Variants in DDX24 observed in about 807,000 individuals in gnomAD.
DDX24 encodes the protein DEAD-box helicase 24, also known as ATP-dependent RNA helicase DDX24.
A neutral mutation model predicts 68.9 loss-of-function variants in DDX24; 24 were observed. The ratio of observed to expected loss-of-function variants is 0.35; its 90% CI spans 0.25 to 0.49. The LOEUF (loss-of-function observed/expected upper bound fraction) is 0.49, where lower values mean the gene tolerates loss of function less well. Ranked by LOEUF, DDX24 falls within the 20% of genes least tolerant of loss-of-function variation. The pLI, the probability that DDX24 is intolerant of heterozygous loss-of-function variation, is 0.99. For synonymous variants in DDX24, 395 were observed against 385.2 expected (o/e 1.03, Z -0.30); for missense variants, 989 against 1,039.0 (o/e 0.95, Z 0.66).
At position 94,060,970 on chromosome 14, in the gene DDX24, C is replaced by G; in HGVS notation, c.1340G>C (p.Arg447Pro). The G allele has an allele frequency of 6.2e-7, 1 of 1,614,186 alleles. No individual in the cohort carries two copies. Among genetic ancestry groups the G allele is most frequent in the Non-Finnish European group, 8.5e-7 (1 of 1,180,028 alleles). The change falls in exon 4 of 9, where the codon CGG becomes CCG. Residue 447 changes from arginine (R) to proline (P), a missense_variant. By Grantham distance (103) the Arg-to-Pro change is moderately radical. Transcript: ENST00000621632. Reference protein sequence around the residue: ...RPEIVVATPGRLWELIKEKHY... With the variant: ...RPEIVVATPGPLWELIKEKHY... ...CTTTTCTTTAATTAATTCCCACAGC[C>G]GGCCTGGAGTAGCAACCACAATCTC...
chr14:94,055,895 C>G (rs1183260072), intron 6 of DDX24: 1 of 152,242 alleles, frequency 6.6e-6, no homozygotes, highest in Non-Finnish European at 1.5e-5. Context: ...TCCTTTAATG[C>G]CTCTATATGT....
chr14:94,068,140 ATAAACT>A (rs1177187867), intron 2 of DDX24, among the ~76,000 whole-genome samples: 9 of 152,246 alleles, frequency 5.9e-5, no homozygotes, highest in African/African-American at 1.9e-4. Flanking sequence ...AAGGACTCAC[ATAAACT>A]TAAAGTAAAG....
Position 94,079,418 on chromosome 14 carries a change from T to C in DDX24, c.325A>G (p.Thr109Ala). ...IKLKKSKNVA[T>A]EGTSTQKEFE... Reference sequence around the variant, plus strand: ...TCTTTCTGGGTACTGGTTCCTTCAGTTGCTACATTTTTACTTTTCTTCAAC... The same window carrying C: ...TCTTTCTGGGTACTGGTTCCTTCAGCTGCTACATTTTTACTTTTCTTCAAC... The change falls in exon 2 of 9, where the codon ACT becomes GCT. Residue 109 changes from threonine to alanine, a missense_variant. By Grantham distance (58) the Thr-to-Ala change is moderately conservative. Coordinates refer to ENST00000621632, the MANE Select transcript of DDX24 (RefSeq NM_020414.4). 1 of 1,613,992 alleles carries C rather than the reference T, an allele frequency of 6.2e-7. No individual in the cohort carries two copies. Among genetic ancestry groups the C allele is most frequent in the Non-Finnish European group, 8.5e-7 (1 of 1,180,020 alleles).
chr14:94,062,429 A>G lies in DDX24; in HGVS notation c.911T>C (p.Ile304Thr), dbSNP rs1885616565. The G allele has an allele frequency of 6.2e-7, 1 of 1,614,084 alleles. No homozygotes were observed. Among genetic ancestry groups the G allele is most frequent in the Admixed American group, 1.7e-5 (1 of 60,018 alleles). The change falls in exon 3 of 9, where the codon ATT (isoleucine) becomes ACT (threonine). Residue 304 changes from isoleucine (I) to threonine (T), a missense_variant. Ile to Thr is a moderately conservative substitution (Grantham distance 89). Coordinates refer to ENST00000621632, the MANE Select transcript of DDX24 (RefSeq NM_020414.4). ...ESDALPDDTV[I>T]ESEALPSDIA... The stretch of plus-strand genomic sequence containing the variant: ...ATCACTGGGCAGTGCTTCACTCTCA[A>G]TTACAGTATCGTCAGGCAATGCATC...
At chr14:94,055,405 T>C (rs1359604915) in intron 6 of DDX24, 2 of 550,520 alleles carry the variant, frequency 3.6e-6, no homozygotes, top group Non-Finnish European at 3.2e-6. Flanking sequence ...CCCATGCCCC[T>C]GACCCTGGTT....
intron 8 of DDX24, among the ~76,000 whole-genome samples, chr14:94,052,707 G>T (rs1307855400): frequency 6.6e-6 from 1 of 152,208 alleles, no homozygotes; most frequent in African/African-American, 2.4e-5. Flanking sequence ...TTAAGGCAAT[G>T]AGCCGGCATT....
At chr14:94,053,511 T>C (rs886719184) in intron 7 of DDX24, 32 of 167,904 alleles carry the variant, frequency 1.9e-4, no homozygotes, top group East Asian at 5.5e-4. Flanking sequence ...GCCCAGCAAG[T>C]AGTGTTTTTA....
chr14:94,051,063 G>T lies in DDX24; in HGVS notation c.*128C>A. The T allele has an allele frequency of 9.1e-7, 1 of 1,102,910 alleles. No homozygotes were observed. Among genetic ancestry groups the T allele is most frequent in the Non-Finnish European group, 1.3e-6 (1 of 786,930 alleles). The allele number at this position is 1,102,910 out of a possible 1,614,324, so 68.3% of individuals were successfully genotyped here. A position where few individuals can be genotyped will look rare whatever the true frequency, so the allele number is the denominator to read the frequency against. On this transcript the variant is annotated 3_prime_UTR_variant, in exon 9 of 9. Coordinates refer to ENST00000621632, the MANE Select transcript of DDX24 (RefSeq NM_020414.4). The stretch of plus-strand genomic sequence containing the variant: ...CTGCATGAGGTCTCTCCCGCTATGG[G>T]TGTGAGTGGAAGAGAGGGAGACTTT...
At chr14:94,079,975 G>C (rs2141439635) in intron 1 of DDX24, among the ~76,000 whole-genome samples, 1 of 152,214 alleles carries the variant, frequency 6.6e-6, no homozygotes, top group South Asian at 2.1e-4. Flanking sequence ...AGCTAGACCT[G>C]GTTTGAATTC....
chr14:94,060,945 C>T lies in DDX24; in HGVS notation c.1365G>A (p.Lys455=). The T allele has an allele frequency of 1.9e-6, 3 of 1,614,192 alleles. No homozygotes were observed. The highest frequency in any genetic ancestry group is 2.2e-5 in the East Asian group (1 of 44,888). ...PGRLWELIKE[K]HYHLRNLRQL... ...GCCGAAGGTTCCTCAAATGATAATGCTTTTCTTTAATTAATTCCCACAGCC... is the reference window on the plus strand; with the variant it reads ...GCCGAAGGTTCCTCAAATGATAATGTTTTTCTTTAATTAATTCCCACAGCC... Residue 455 remains lysine (K), a synonymous_variant, in exon 4 of 9, where the codon AAG becomes AAA. Coordinates refer to ENST00000621632, the MANE Select transcript of DDX24 (RefSeq NM_020414.4).
At position 94,051,615 on chromosome 14, in the gene DDX24, G is replaced by A. The variant is rs1595371843; in HGVS notation, c.2309-153C>T. The stretch of plus-strand genomic sequence containing the variant: ...GAAGAAGCTAGTGGTGGCTTGGCAG[G>A]GGCTGTAAATGGATAACGTCTAACC... On this transcript the variant is annotated intron_variant, in intron 8 of 8. Coordinates refer to ENST00000621632, the MANE Select transcript of DDX24 (RefSeq NM_020414.4). 2.7e-5 allele frequency: 27 copies of A among 984,728 alleles called. 3 individuals carry two copies. The South Asian group carries it at 4.4e-4, about 16-fold the overall frequency. 61.0% of individuals were successfully genotyped at this position (984,728 alleles called of 1,614,324 possible).
intron 7 of DDX24, 66 bp downstream of exon 7, chr14:94,054,930 G>GC (rs1212773186): frequency 1.0e-5 from 16 of 1,540,672 alleles, no homozygotes; most frequent in Non-Finnish European, 1.4e-5. Flanking sequence ...GAGTCCCACA[G>GC]CAAGGTGCTC....
chr14:94,074,042 CAAA>C (rs200305316), intron 2 of DDX24, among the ~76,000 whole-genome samples: 9 of 74,386 alleles, frequency 1.2e-4, no homozygotes, highest in Admixed American at 3.0e-4. Context: ...GACTCCATCT[CAAA>C]AAAAAAAAAA....
rs569931456 is a variant in DDX24, at chr14:94,060,717, C to T, written c.1398-104G>A. 4.8e-6 allele frequency: 7 copies of T among 1,469,448 alleles called. No individual in the cohort carries two copies. The Admixed American group carries it at 6.0e-5, about 13-fold the overall frequency. The allele number at this position is 1,469,448 out of a possible 1,614,324, so 91.0% of individuals were successfully genotyped here. ...CTAAACACACACACACACACACGTA[C>T]ACACCCCACTACCACCACCACCATC... is the stretch of plus-strand genomic sequence containing the variant. On this transcript the variant is annotated intron_variant, in intron 4 of 8. Transcript: ENST00000621632.
intron 2 of DDX24, among the ~76,000 whole-genome samples, chr14:94,064,818 A>G (rs1030780942): frequency 2.0e-5 from 3 of 152,222 alleles, no homozygotes; most frequent in Non-Finnish European, 4.4e-5. Context: ...GGAATACCCA[A>G]TTTGTAGCCA....
rs202166592 is a variant in DDX24 at position 94,079,395 on chromosome 14, T to C, written c.348A>G (p.Lys116=). 1.1e-5 allele frequency: 17 copies of C among 1,614,080 alleles called. No individual in the cohort carries two copies. The East Asian group carries it at 3.6e-4, about 34-fold the overall frequency. ...NVATEGTSTQ[K]EFEVKDPELE... is the part of the protein sequence containing the mutation. Reference sequence around the variant, plus strand: ...GCTCAGGATCTTTCACTTCAAATTCTTTCTGGGTACTGGTTCCTTCAGTTG... The same window carrying C: ...GCTCAGGATCTTTCACTTCAAATTCCTTCTGGGTACTGGTTCCTTCAGTTG... Residue 116 remains lysine, a synonymous_variant, in exon 2 of 9, where the codon AAA becomes AAG. Transcript: ENST00000621632.
chr14:94,075,201 T>C (rs189419896), intron 2 of DDX24, among the ~76,000 whole-genome samples: 10 of 152,180 alleles, frequency 6.6e-5, no homozygotes, highest in African/African-American at 2.4e-4. Context: ...ACAGTCAAAA[T>C]AACTTTTAAA....
Position 94,055,017 on chromosome 14 carries a change from T to C in DDX24, c.2157A>G (p.Thr719=), listed in dbSNP as rs761612140. 7 of 1,614,104 alleles carry C rather than the reference T, an allele frequency of 4.3e-6. No homozygotes were observed. The highest frequency in any genetic ancestry group is 1.3e-5 in the African/African-American group (1 of 74,950). The change falls in exon 7 of 9, where the codon ACA becomes ACG. Residue 719 remains threonine (T), a synonymous_variant. Transcript: ENST00000621632. Reference sequence around the variant, plus strand: ...CTACCTTGACCACATCCATGTATTTTGTCTGCACGGGGAACAGTGGGATAT... The same window carrying C: ...CTACCTTGACCACATCCATGTATTTCGTCTGCACGGGGAACAGTGGGATAT... ...DEDIPLFPVQ[T]KYMDVVKERI... is the part of the protein sequence containing the mutation.
chr14:94,055,988 T>G (rs1190574581), intron 6 of DDX24: 1 of 152,224 alleles, frequency 6.6e-6, no homozygotes, highest in Non-Finnish European at 1.5e-5. Context: ...ACCTCTCTCT[T>G]CCATTGTATT....
Sources: allele counts gnomAD v4.1 joint callset (sites outside exome capture counted in the v4.1 genomes callset), GRCh38; gene constraint gnomAD v4.1.1; transcripts MANE v1.5; gene names NCBI Gene and HGNC (gene_info 2026-07-23, HGNC 2026-07-21).